PDE4D: variants seen among roughly 807,000 people sequenced by gnomAD.
PDE4D encodes the protein 3',5'-cyclic-AMP phosphodiesterase 4D.
A neutral mutation model predicts 87.4 loss-of-function variants in PDE4D; 24 were observed. The observed-to-expected ratio is 0.27, with a 90% CI of 0.20 to 0.39. The LOEUF (loss-of-function observed/expected upper bound fraction) is 0.39, where lower values mean the gene tolerates loss of function less well. PDE4D is among the 10% of genes least tolerant of loss of function. PDE4D has a pLI of 1.00. For synonymous variants in PDE4D, 384 were observed against 383.2 expected (o/e 1.00, Z -0.02); for missense variants, 714 against 1,041.0 (o/e 0.69, Z 4.32).
rs150749512 is a variant in PDE4D at position 59,821,289 on chromosome 5, T to G, written c.455+71879A>C. On this transcript the variant is annotated intron_variant, in intron 1 of 14. Transcript: ENST00000340635. ...ACAACAACAACAAAAGAAAAAGAAA[T>G]AGAAAATTAGGATTTCACAAAAACA... 2.6e-5 allele frequency among the ~76,000 whole-genome samples: 4 copies of G among 151,526 alleles called. No individual in the cohort carries two copies. The East Asian group carries it at 7.8e-4, about 30-fold the overall frequency.
intron 1 of PDE4D, among the ~76,000 whole-genome samples, chr5:60,498,681 T>C (rs867802109): frequency 6.6e-6 from 1 of 152,210 alleles, no homozygotes; most frequent in South Asian, 2.1e-4. Context: ...CCAGCTCTTA[T>C]GGTATCTAGC....
intron 5 of PDE4D, among the ~76,000 whole-genome samples, chr5:59,119,926 C>G (rs1774210719): frequency 6.6e-6 from 1 of 152,112 alleles, no homozygotes; most frequent in African/African-American, 2.4e-5. Context: ...CTCATTGTAA[C>G]CTCAAACTCC....
chr5:60,341,931 CT>C (rs1711858849), intron 1 of PDE4D, among the ~76,000 whole-genome samples: 1 of 152,214 alleles, frequency 6.6e-6, no homozygotes. Context: ...AATCCACTCA[CT>C]TAAGTTAAGG....
At chr5:60,112,023 T>C (rs1307175015) in intron 2 of PDE4D, among the ~76,000 whole-genome samples, 1 of 152,126 alleles carries the variant, frequency 6.6e-6, no homozygotes, top group East Asian at 1.9e-4. Context: ...TCTGCATCGA[T>C]TATATGGCTT....
chr5:59,730,431 T>C (rs950929381), intron 1 of PDE4D, among the ~76,000 whole-genome samples: 1 of 152,176 alleles, frequency 6.6e-6, no homozygotes, highest in African/African-American at 2.4e-5. Context: ...GATCAATTTT[T>C]AAACTTTAAA....
chr5:60,087,881 C>T (rs1774704671), intron 2 of PDE4D, among the ~76,000 whole-genome samples: 1 of 152,034 alleles, frequency 6.6e-6, no homozygotes, highest in South Asian at 2.1e-4. Flanking sequence ...AAAACCAACA[C>T]TATCCAAGTG....
chr5:59,725,058 AGACT>A (rs1361046966), intron 1 of PDE4D, among the ~76,000 whole-genome samples: 1 of 152,110 alleles, frequency 6.6e-6, no homozygotes, highest in Non-Finnish European at 1.5e-5. Context: ...TTGGACCTTA[AGACT>A]GACTATCTCT....
chr5:60,248,826 T>C (rs4235479), intron 1 of PDE4D, among the ~76,000 whole-genome samples: 81,361 of 151,764 alleles, frequency 0.54, 22,583 homozygotes, highest in African/African-American at 0.66. Context: ...CATTCAGTGC[T>C]CCAAAAATAT....
At chr5:59,717,862 TA>T (rs1755251101) in intron 1 of PDE4D, among the ~76,000 whole-genome samples, 1 of 152,218 alleles carries the variant, frequency 6.6e-6, no homozygotes, top group African/African-American at 2.4e-5. Context: ...ACCCTACTTT[TA>T]TAATCCCCAT....
chr5:59,134,357 C>A (rs145402883), intron 5 of PDE4D, among the ~76,000 whole-genome samples: 1 of 151,662 alleles, frequency 6.6e-6, no homozygotes, highest in Non-Finnish European at 1.5e-5. Flanking sequence ...ATAAAATCAA[C>A]GGGACAATGG....
chr5:60,096,036 T>C (rs953116630), intron 2 of PDE4D, among the ~76,000 whole-genome samples: 2 of 152,200 alleles, frequency 1.3e-5, no homozygotes, highest in Non-Finnish European at 2.9e-5. Flanking sequence ...TCTCCCATTC[T>C]GTAGGCTGCC....
intron 1 of PDE4D, among the ~76,000 whole-genome samples, chr5:60,320,344 C>T (rs11746334): frequency 0.096 from 14,665 of 152,244 alleles, 879 homozygotes; most frequent in African/African-American, 0.16. Flanking sequence ...TGCAGTATTA[C>T]GGTGGGAGTG....
intron 1 of PDE4D, among the ~76,000 whole-genome samples, chr5:60,250,397 A>T (rs911108600): frequency 2.2e-4 from 33 of 151,886 alleles, no homozygotes; most frequent in African/African-American, 8.0e-4. Context: ...ATTTGTCTCA[A>T]AGCAGCAAAA....
chr5:59,021,678 T>C (rs1755172386), intron 6 of PDE4D, among the ~76,000 whole-genome samples: 1 of 152,160 alleles, frequency 6.6e-6, no homozygotes, highest in East Asian at 1.9e-4. Context: ...AATTTATTTA[T>C]TTATCCAAGG....
At chr5:60,502,186 G>A (rs1034436259) in intron 1 of PDE4D, among the ~76,000 whole-genome samples, 1 of 152,120 alleles carries the variant, frequency 6.6e-6, no homozygotes, top group African/African-American at 2.4e-5. Flanking sequence ...TGTATAAGGT[G>A]TAAGGAAGGG....
At position 60,148,851 on chromosome 5, in the gene PDE4D, A is replaced by C. The variant is rs1781245892; in HGVS notation, c.42+36706T>G. On this transcript the variant is annotated intron_variant, in intron 2 of 16. Coordinates refer to the PDE4D transcript ENST00000502484. ...AGAACATGGCCATTTTCTAAGCCAGACTTGCAAAAAATTCCTGTATGGGAA... is the reference window on the plus strand; with the variant it reads ...AGAACATGGCCATTTTCTAAGCCAGCCTTGCAAAAAATTCCTGTATGGGAA... 2.0e-5 allele frequency among the ~76,000 whole-genome samples: 3 copies of C among 152,212 alleles called. No individual in the cohort carries two copies. The South Asian group carries it at 6.2e-4, about 31-fold the overall frequency.
chr5:60,032,665 A>T (rs1767364755), intron 2 of PDE4D: 1 of 152,206 alleles, frequency 6.6e-6, no homozygotes, highest in Admixed American at 6.5e-5. Context: ...ATAATTTACT[A>T]GATAAGGTAG....
intron 1 of PDE4D, among the ~76,000 whole-genome samples, chr5:60,515,006 G>A (rs1222480187): frequency 6.6e-6 from 1 of 152,066 alleles, no homozygotes; most frequent in East Asian, 1.9e-4. Flanking sequence ...AAAATCAACT[G>A]TATTTCTGAT....
intron 1 of PDE4D, chr5:59,592,227 A>ATC: frequency 1.3e-6 from 1 of 766,714 alleles, no homozygotes; most frequent in Non-Finnish European, 1.6e-6. Flanking sequence ...AATGTTAACT[A>ATC]ATAACGATGT....
Sources: gnomAD v4.1 joint callset for allele counts (sites outside exome capture counted in the v4.1 genomes callset) on GRCh38, gnomAD v4.1.1 for gene constraint, MANE v1.5 for transcripts, NCBI Gene and HGNC (gene_info 2026-07-23, HGNC 2026-07-21) for gene names.